The following CSMD2 variants were observed in gnomAD, a reference collection of about 807,000 sequenced individuals.
CSMD2 encodes the protein CUB and Sushi multiple domains 2.
A neutral mutation model predicts 398.5 loss-of-function variants in CSMD2; 130 were observed. The ratio of observed to expected loss-of-function variants is 0.33; its 90% CI spans 0.28 to 0.38. The LOEUF (loss-of-function observed/expected upper bound fraction) is 0.38, where lower values mean the gene tolerates loss of function less well. Ranked by LOEUF, CSMD2 falls within the 10% of genes least tolerant of loss-of-function variation. The pLI is 1.00. For synonymous variants in CSMD2, 1,828 were observed against 1,908.5 expected (o/e 0.96, Z 1.10); for missense variants, 3,829 against 4,764.9 (o/e 0.80, Z 5.78).
chr1:33,731,198 C>T (rs1034987005), intron 15 of CSMD2, among the ~76,000 whole-genome samples: 6 of 152,108 alleles, frequency 3.9e-5, no homozygotes, highest in East Asian at 1.9e-4. Context: ...ATACAAAAAC[C>T]GGCAAATACA....
chr1:33,649,381 T>C (rs975478489), intron 28 of CSMD2, among the ~76,000 whole-genome samples: 1 of 152,206 alleles, frequency 6.6e-6, no homozygotes, highest in Admixed American at 6.5e-5. Flanking sequence ...CAGTGGCTCA[T>C]GTCTGTAATC....
intron 48 of CSMD2, among the ~76,000 whole-genome samples, chr1:33,578,134 T>C (rs1638426935): frequency 1.3e-5 from 2 of 152,236 alleles, no homozygotes; most frequent in Non-Finnish European, 2.9e-5. Context: ...GAGACTGACC[T>C]GTGGCAACCT....
At chr1:33,580,034 G>C (rs1460271527) in intron 48 of CSMD2, among the ~76,000 whole-genome samples, 1 of 152,158 alleles carries the variant, frequency 6.6e-6, no homozygotes, top group East Asian at 1.9e-4. Context: ...GTAGGCCAAA[G>C]GTAGCCAGGG....
At chr1:33,531,472 GT>G (rs1274442627) in intron 64 of CSMD2, among the ~76,000 whole-genome samples, 2 of 152,126 alleles carry the variant, frequency 1.3e-5, no homozygotes, top group Non-Finnish European at 2.9e-5. Flanking sequence ...TCCTAGATAT[GT>G]CCCCAGGAGA....
chr1:33,958,845 T>C (rs1011215627), intron 3 of CSMD2, among the ~76,000 whole-genome samples: 10 of 152,150 alleles, frequency 6.6e-5, no homozygotes, highest in Admixed American at 4.6e-4. Context: ...GTAAATGTGG[T>C]TTAAGCTGCT....
intron 24 of CSMD2, among the ~76,000 whole-genome samples, chr1:33,697,221 GGCTT>G (rs1459570646): frequency 4.6e-5 from 7 of 152,108 alleles, no homozygotes; most frequent in South Asian, 4.1e-4. Context: ...TGTGTGCTCT[GGCTT>G]GCTTGTCTGT....
chr1:33,746,184 G>A (rs1647357222), intron 13 of CSMD2, among the ~76,000 whole-genome samples: 1 of 152,162 alleles, frequency 6.6e-6, no homozygotes, highest in Non-Finnish European at 1.5e-5. Flanking sequence ...TGAATTGGGA[G>A]TCTCTAGGCT....
At chr1:33,785,999 C>G (rs1390037951) in intron 12 of CSMD2, among the ~76,000 whole-genome samples, 1 of 152,166 alleles carries the variant, frequency 6.6e-6, no homozygotes, top group East Asian at 1.9e-4. Flanking sequence ...AAGCTGAGGT[C>G]CCACATCTAA....
intron 1 of CSMD2, among the ~76,000 whole-genome samples, chr1:34,132,665 C>G (rs923437048): frequency 1.3e-5 from 2 of 152,164 alleles, no homozygotes; most frequent in East Asian, 3.9e-4. Context: ...TTGAGGTCCC[C>G]GAAAGAAGAA....
chr1:33,929,743 C>G lies in CSMD2; in HGVS notation c.712+6017G>C, dbSNP rs181652567. On this transcript the variant is annotated intron_variant, in intron 4 of 70. Transcript: ENST00000373381. ...ATCCCTGCCCTCTCCACCCACCCCT[C>G]ACTCTACTTTTGCCACAGGGGCTTG... Among the ~76,000 whole-genome samples the G allele has an allele frequency of 9.2e-5, 14 of 152,222 alleles. No individual in the cohort carries two copies. The East Asian group carries it at 2.7e-3, about 29-fold the overall frequency.
Position 33,567,686 on chromosome 1 carries a change from A to T in CSMD2, c.8287T>A (p.Tyr2763Asn). ...AGGCGGAAGCCAGCATTGCATTGGT[A>T]CACCACACTGCCCCGGTAGCTGTAG... Reference protein sequence around the residue: ...ENYSYRGSVVYQCNAGFRLIG... With the variant: ...ENYSYRGSVVNQCNAGFRLIG... Residue 2763 changes from tyrosine (Y) to asparagine (N), a missense_variant, in exon 53 of 71, where the codon TAC (tyrosine) becomes AAC (asparagine). Around this residue, in one of 5 missense-constraint regions of CSMD2, gnomAD observed 917 missense variants for 1,199.5 expected, o/e 0.76. Transcript: ENST00000373381. The T allele has an allele frequency of 6.2e-7, 1 of 1,614,196 alleles. No individual in the cohort carries two copies. The highest frequency in any genetic ancestry group is 8.5e-7 in the Non-Finnish European group (1 of 1,180,036).
intron 3 of CSMD2, among the ~76,000 whole-genome samples, chr1:33,947,018 G>T (rs2125357631): frequency 6.6e-6 from 1 of 152,250 alleles, no homozygotes; most frequent in African/African-American, 2.4e-5. Flanking sequence ...TATGGCCAGG[G>T]CTGCCATGTT....
chr1:33,555,476 C>T lies in CSMD2; in HGVS notation c.8743+2258G>A, dbSNP rs192294454. Among the ~76,000 whole-genome samples, 155 of 152,336 alleles carry T rather than the reference C, an allele frequency of 1.0e-3. 1 individual carries two copies. The highest frequency in any genetic ancestry group is 1.9e-3 in the Non-Finnish European group (132 of 68,034). On this transcript the variant is annotated intron_variant, in intron 55 of 70. Transcript: ENST00000373381. ...AAAGTGGCAGCAGGATTTGAGAAGA[C>T]TGACTGCAATTTTGAAAGGCATTAT...
At chr1:33,648,531 C>T (rs1360314376) in intron 28 of CSMD2, among the ~76,000 whole-genome samples, 1 of 152,100 alleles carries the variant, frequency 6.6e-6, no homozygotes. Context: ...AGTGTACAGT[C>T]AAAGCAAAAG....
At chr1:34,085,394 A>AATG (rs1008728399) in intron 2 of CSMD2, among the ~76,000 whole-genome samples, 28 of 151,430 alleles carry the variant, frequency 1.8e-4, no homozygotes, top group Non-Finnish European at 3.4e-4. Flanking sequence ...TAATAATAAT[A>AATG]ATAATAATAA....
chr1:33,913,224 C>T (rs1643552021), intron 5 of CSMD2, among the ~76,000 whole-genome samples: 1 of 152,204 alleles, frequency 6.6e-6, no homozygotes, highest in Non-Finnish European at 1.5e-5. Context: ...ATAGTTCCAA[C>T]AAAATCACTG....
At chr1:34,036,754 C>A (rs1651178154) in intron 2 of CSMD2, among the ~76,000 whole-genome samples, 1 of 152,174 alleles carries the variant, frequency 6.6e-6, no homozygotes, top group Non-Finnish European at 1.5e-5. Context: ...GGAACCTCTC[C>A]TGTGAATCTA....
chr1:33,906,936 G>C (rs1210140739), intron 5 of CSMD2, among the ~76,000 whole-genome samples: 1 of 152,134 alleles, frequency 6.6e-6, no homozygotes, highest in East Asian at 1.9e-4. Flanking sequence ...AGAAGAATCA[G>C]AAAGAGTGGC....
intron 25 of CSMD2, among the ~76,000 whole-genome samples, chr1:33,673,561 C>T (rs2149037543): frequency 6.6e-6 from 1 of 152,282 alleles, no homozygotes; most frequent in East Asian, 1.9e-4. Flanking sequence ...AGGAGAACTT[C>T]CCCAATCTAG....
Sources: gnomAD v4.1 joint callset for allele counts (sites outside exome capture counted in the v4.1 genomes callset) on GRCh38, gnomAD v4.1.1 for gene constraint, gnomAD v4.1.1 regional missense constraint, MANE v1.5 for transcripts, NCBI Gene and HGNC (gene_info 2026-07-23, HGNC 2026-07-21) for gene names.